Variants in SCMH1 observed in about 807,000 individuals in gnomAD.
SCMH1 encodes the protein Scm polycomb group protein homolog 1.
SCMH1 carries 37 observed loss-of-function variants against 70.8 expected under a neutral mutation model. The observed-to-expected ratio is 0.52, with a 90% CI of 0.40 to 0.69. The LOEUF (loss-of-function observed/expected upper bound fraction) is 0.69. SCMH1 is among the 30% of genes least tolerant of loss of function. The pLI, the probability that SCMH1 is intolerant of heterozygous loss-of-function variation, is 0.00. For synonymous variants in SCMH1, 292 were observed against 307.4 expected (o/e 0.95, Z 0.52); for missense variants, 607 against 827.3 (o/e 0.73, Z 3.27).
At chr1:41,065,169 A>G (rs1654148671) in intron 10 of SCMH1, among the ~76,000 whole-genome samples, 1 of 152,200 alleles carries the variant, frequency 6.6e-6, no homozygotes, top group African/African-American at 2.4e-5. Flanking sequence ...AAAATCCCAG[A>G]ATTTATTTTG....
chr1:41,242,025 C>T lies in SCMH1; in HGVS notation c.-118+34G>A, dbSNP rs1284610023. ...CAGGCGGCCCCTCAGGGCACGAGCT[C>T]TTAGGCGGGCGGAGGCGGCCGCGAG... On this transcript the variant is annotated intron_variant, in intron 1 of 14. Coordinates refer to ENST00000337495, the Ensembl canonical transcript of SCMH1. This position sits in a 1 kb window ranked among gnomAD's most constrained non-coding sequence, Gnocchi z 5.2. 1 of 152,458 alleles carries T rather than the reference C, an allele frequency of 6.6e-6. No individual in the cohort carries two copies. The highest frequency in any genetic ancestry group is 1.9e-4 in the South Asian group (1 of 5,280). The allele number at this position is 152,458 out of a possible 1,614,324, so 9.4% of individuals were successfully genotyped here. A position where few individuals can be genotyped will look rare whatever the true frequency, so the allele number is the denominator to read the frequency against.
At chr1:41,202,829 C>T (rs1654677522) in intron 1 of SCMH1, among the ~76,000 whole-genome samples, 1 of 152,066 alleles carries the variant, frequency 6.6e-6, no homozygotes, top group Non-Finnish European at 1.5e-5. Context: ...TCCTACTACC[C>T]TTCCCCTGAC....
intron 2 of SCMH1, among the ~76,000 whole-genome samples, chr1:41,179,671 T>C (rs962363915): frequency 1.3e-5 from 2 of 152,108 alleles, no homozygotes; most frequent in African/African-American, 2.4e-5. Context: ...CAGGAAGAAG[T>C]TGAATCTCTG....
chr1:41,029,058 G>A (rs1209105574), intron 13 of SCMH1, among the ~76,000 whole-genome samples: 1 of 152,090 alleles, frequency 6.6e-6, no homozygotes, highest in Admixed American at 6.5e-5. Context: ...GGCTGTTTTT[G>A]CCTTGGCTCT....
In SCMH1 at chr1:41,119,444, A is replaced by AC. The variant is rs933973911; in HGVS notation, c.413-2435_413-2434insG. Reference sequence around the variant, plus strand: ...CTTTTTTTTCCCTTTAGGGCAAAAAAAAAACAAAAAAAAAAAAACCCCACC... The same window carrying AC: ...CTTTTTTTTCCCTTTAGGGCAAAAAACAAAACAAAAAAAAAAAAACCCCACC... On this transcript the variant is annotated intron_variant, in intron 6 of 14. Transcript: ENST00000337495. Among the ~76,000 whole-genome samples, 90 of 80,780 alleles carry AC rather than the reference A, an allele frequency of 1.1e-3. 1 individual carries two copies. The highest frequency in any genetic ancestry group is 7.7e-3 in the South Asian group (18 of 2,338). 53.0% of individuals were successfully genotyped at this position (80,780 alleles called of 152,430 possible).
chr1:41,240,420 C>T (rs1270172355), intron 1 of SCMH1, among the ~76,000 whole-genome samples: 1 of 152,186 alleles, frequency 6.6e-6, no homozygotes, highest in East Asian at 1.9e-4. Context: ...AAAAAGTGTT[C>T]TCTTTCATAG....
At chr1:41,093,289 C>T (rs551124313) in intron 8 of SCMH1, among the ~76,000 whole-genome samples, 58 of 149,802 alleles carry the variant, frequency 3.9e-4, no homozygotes, top group African/African-American at 1.2e-3. Flanking sequence ...AACTAAACAC[C>T]GCATGTTCTC....
intron 2 of SCMH1, among the ~76,000 whole-genome samples, chr1:41,165,141 A>G (rs1646328987): frequency 1.3e-5 from 2 of 152,012 alleles, no homozygotes; most frequent in South Asian, 4.2e-4. Flanking sequence ...AGATTATATG[A>G]TATTTGTCGT....
chr1:41,117,290 A>G (rs922073650), intron 6 of SCMH1, among the ~76,000 whole-genome samples: 1 of 152,136 alleles, frequency 6.6e-6, no homozygotes, highest in Non-Finnish European at 1.5e-5. Context: ...GGCCATACAG[A>G]GATAGGAGCT....
chr1:41,223,549 C>T (rs1285606497), intron 1 of SCMH1, among the ~76,000 whole-genome samples: 4 of 151,640 alleles, frequency 2.6e-5, no homozygotes, highest in Admixed American at 6.6e-5. Flanking sequence ...CTCAATCATC[C>T]CTAACAAGTT....
intron 6 of SCMH1, among the ~76,000 whole-genome samples, chr1:41,119,018 G>A (rs1671233951): frequency 6.6e-6 from 1 of 152,196 alleles, no homozygotes; most frequent in African/African-American, 2.4e-5. Context: ...TTTTATAGAT[G>A]AGGAAACAGG....
chr1:41,037,120 A>G (rs1283245062), intron 13 of SCMH1, among the ~76,000 whole-genome samples: 2 of 152,002 alleles, frequency 1.3e-5, no homozygotes, highest in Non-Finnish European at 2.9e-5. Flanking sequence ...GAGTGAATGA[A>G]TCCTTCCCTG....
chr1:41,120,016 G>A (rs1222752408), intron 6 of SCMH1, among the ~76,000 whole-genome samples: 2 of 152,198 alleles, frequency 1.3e-5, no homozygotes, highest in African/African-American at 2.4e-5. Context: ...CAAACCCAGA[G>A]CAGCTTTGCC....
At chr1:41,119,444 A>C (rs578170817) in intron 6 of SCMH1, among the ~76,000 whole-genome samples, 359 of 80,776 alleles carry the variant, frequency 4.4e-3, no homozygotes, top group Non-Finnish European at 6.0e-3. Context: ...AGGGCAAAAA[A>C]AAAACAAAAA....
chr1:41,181,514 C>G (rs183416951), intron 2 of SCMH1, among the ~76,000 whole-genome samples: 2 of 152,166 alleles, frequency 1.3e-5, no homozygotes, highest in Non-Finnish European at 2.9e-5. Flanking sequence ...AAAAAACACA[C>G]AACCCCATCA....
At chr1:41,142,773 T>C (rs1000769234) in intron 6 of SCMH1, 105 bp downstream of exon 6, 3 of 926,006 alleles carry the variant, frequency 3.2e-6, no homozygotes, top group Admixed American at 2.6e-5. Context: ...ATATGAAAAA[T>C]AAGGGATAAG....
chr1:41,211,129 C>A (rs1656917202), intron 1 of SCMH1, among the ~76,000 whole-genome samples: 2 of 151,984 alleles, frequency 1.3e-5, no homozygotes, highest in South Asian at 4.1e-4. Context: ...GAGTAAAACA[C>A]CAAAAGCAAT....
intron 13 of SCMH1, among the ~76,000 whole-genome samples, chr1:41,034,483 A>T (rs1206705026): frequency 6.6e-6 from 1 of 151,872 alleles, no homozygotes; most frequent in Non-Finnish European, 1.5e-5. Context: ...GCCCACTACC[A>T]CGTCCGGCTA....
chr1:41,027,900 A>G (rs1571068352), exon 15 of SCMH1: 1 of 382,660 alleles, frequency 2.6e-6, no homozygotes, highest in Non-Finnish European at 4.7e-6. Context: ...CATTCAGCCT[A>G]AACTCCTGGT....
Sources: allele counts gnomAD v4.1 joint callset (sites outside exome capture counted in the v4.1 genomes callset), GRCh38; gene constraint gnomAD v4.1.1; non-coding constraint Gnocchi (gnomAD v3.1); transcripts MANE v1.5; gene names NCBI Gene and HGNC (gene_info 2026-07-23, HGNC 2026-07-21).